The following TNR variants were observed in gnomAD, a reference collection of about 807,000 sequenced individuals.
TNR encodes tenascin R, also known as tenascin-R.
TNR carries 45 observed loss-of-function variants against 150.4 expected under a neutral mutation model. The ratio of observed to expected loss-of-function variants is 0.30; its 90% CI spans 0.24 to 0.38. The LOEUF (loss-of-function observed/expected upper bound fraction) is 0.38, where lower values mean the gene tolerates loss of function less well. TNR is among the 10% of genes least tolerant of loss of function. The pLI is 1.00. For synonymous variants in TNR, 687 were observed against 678.4 expected (o/e 1.01, Z -0.20); for missense variants, 1,544 against 1,759.1 (o/e 0.88, Z 2.19).
intron 1 of TNR, among the ~76,000 whole-genome samples, chr1:175,654,880 G>A (rs973778236): frequency 2.0e-5 from 3 of 151,766 alleles, no homozygotes; most frequent in Admixed American, 6.6e-5. Flanking sequence ...CACCACAGCC[G>A]GCTAATTTTG....
intron 1 of TNR, among the ~76,000 whole-genome samples, chr1:175,741,164 A>G (rs531546417): frequency 6.6e-6 from 1 of 152,356 alleles, no homozygotes; most frequent in East Asian, 1.9e-4. Context: ...AATGGGGAGC[A>G]ATCCATTCCT....
rs144068803 is a variant in TNR at position 175,379,054 on chromosome 1, C to A, written c.1963+498G>T. On this transcript the variant is annotated intron_variant, in intron 9 of 22. Transcript: ENST00000367674. ...ATTAGCCGGGCGTGGTGGCAGATGC[C>A]TGTAATCCTAGCTACTTGGGAGGCT... is the stretch of plus-strand genomic sequence containing the variant. Among the ~76,000 whole-genome samples, 652 of 152,156 alleles carry A rather than the reference C, an allele frequency of 4.3e-3. 4 individuals carry two copies. The highest frequency in any genetic ancestry group is 0.015 in the African/African-American group (630 of 41,510).
chr1:175,739,626 G>T (rs1287608930), intron 1 of TNR, among the ~76,000 whole-genome samples: 3 of 152,156 alleles, frequency 2.0e-5, no homozygotes, highest in Non-Finnish European at 4.4e-5. Context: ...CCCAGGGACG[G>T]AAGCAGGGTG....
At chr1:175,366,917 G>A (rs1571344769) in intron 10 of TNR, among the ~76,000 whole-genome samples, 2 of 152,212 alleles carry the variant, frequency 1.3e-5, no homozygotes, top group Admixed American at 1.3e-4. Flanking sequence ...GGCCTGCAAT[G>A]GCATCAACCT....
chr1:175,616,381 A>T (rs1041862531), intron 1 of TNR, among the ~76,000 whole-genome samples: 5 of 152,264 alleles, frequency 3.3e-5, no homozygotes, highest in Admixed American at 2.0e-4. Context: ...ACTGATCCTT[A>T]GCCCTCTGCA....
intron 15 of TNR, among the ~76,000 whole-genome samples, chr1:175,356,905 C>T (rs1651358815): frequency 2.0e-5 from 3 of 152,174 alleles, no homozygotes; most frequent in Non-Finnish European, 1.5e-5. Flanking sequence ...AATGTCCCTG[C>T]TAAAGTCCAA....
intron 1 of TNR, among the ~76,000 whole-genome samples, chr1:175,559,951 A>T (rs1661356354): frequency 6.6e-6 from 1 of 152,216 alleles, no homozygotes; most frequent in Admixed American, 6.5e-5. Flanking sequence ...TGTCAGGAAC[A>T]CTGGTCCAGG....
At chr1:175,402,065 T>C (rs2102044102) in intron 4 of TNR, among the ~76,000 whole-genome samples, 1 of 151,538 alleles carries the variant, frequency 6.6e-6, no homozygotes, top group Non-Finnish European at 1.5e-5. Flanking sequence ...CCCAGCACTT[T>C]GGGAGGCCGA....
At chr1:175,424,265 A>G (rs1654874852) in intron 2 of TNR, among the ~76,000 whole-genome samples, 1 of 152,146 alleles carries the variant, frequency 6.6e-6, no homozygotes, top group South Asian at 2.1e-4. Flanking sequence ...TCTAAGGTTG[A>G]CTTCAGTCTG....
rs192048055 is a variant in TNR, at chr1:175,414,565, A to T, written c.-63-7788T>A. ...TCCACTCCAGCTTCCTTATCAATAT[A>T]ATTATCATGGCCAGCACCAGAGGTG... On this transcript the variant is annotated intron_variant, in intron 2 of 22. Coordinates refer to ENST00000367674, the MANE Select transcript of TNR (RefSeq NM_003285.3). Among the ~76,000 whole-genome samples, 5 of 152,258 alleles carry T rather than the reference A, an allele frequency of 3.3e-5. No individual in the cohort carries two copies. In the East Asian group the frequency reaches 9.7e-4, roughly 29 times the overall value.
At chr1:175,643,565 A>T (rs1664727825) in intron 1 of TNR, among the ~76,000 whole-genome samples, 1 of 152,228 alleles carries the variant, frequency 6.6e-6, no homozygotes, top group African/African-American at 2.4e-5. Flanking sequence ...TATTATAGGA[A>T]GGGAAAACAA....
intron 18 of TNR, among the ~76,000 whole-genome samples, chr1:175,347,826 G>T (rs1207652638): frequency 6.6e-6 from 1 of 152,010 alleles, no homozygotes; most frequent in Non-Finnish European, 1.5e-5. Context: ...TGCTTTAGTT[G>T]CATTCCTTTT....
chr1:175,477,807 C>T (rs368854150), intron 2 of TNR, among the ~76,000 whole-genome samples: 1 of 152,346 alleles, frequency 6.6e-6, no homozygotes, highest in East Asian at 1.9e-4. Flanking sequence ...TGGAAGAAAG[C>T]GTTACAGGTT....
chr1:175,384,365 G>T (rs1652825460), intron 8 of TNR, among the ~76,000 whole-genome samples: 2 of 152,208 alleles, frequency 1.3e-5, no homozygotes, highest in East Asian at 3.8e-4. Flanking sequence ...TTAGTTCATT[G>T]TTTCAAGATG....
chr1:175,377,061 G>A (rs1041125253), intron 9 of TNR, among the ~76,000 whole-genome samples: 4 of 152,020 alleles, frequency 2.6e-5, no homozygotes, highest in South Asian at 2.1e-4. Flanking sequence ...ACTGGGACTC[G>A]AAAGGACTGG....
chr1:175,435,419 A>T (rs887239735), intron 2 of TNR, among the ~76,000 whole-genome samples: 1 of 152,232 alleles, frequency 6.6e-6, no homozygotes, highest in African/African-American at 2.4e-5. Flanking sequence ...CTATGATGGG[A>T]AAGACCACGG....
intron 19 of TNR, among the ~76,000 whole-genome samples, chr1:175,337,195 C>T (rs1650291305): frequency 1.3e-5 from 2 of 152,188 alleles, no homozygotes; most frequent in African/African-American, 4.8e-5. Context: ...TGCCCAGCAC[C>T]TCCACTGCTT....
At chr1:175,630,569 C>A (rs6673724) in intron 1 of TNR, among the ~76,000 whole-genome samples, 21,518 of 152,138 alleles carry the variant, frequency 0.14, 1,941 homozygotes, top group East Asian at 0.41. Flanking sequence ...TCCTCCCTTC[C>A]TCCCTTTCTT....
chr1:175,443,407 T>G (rs897956069), intron 2 of TNR, among the ~76,000 whole-genome samples: 2 of 152,180 alleles, frequency 1.3e-5, no homozygotes, highest in Non-Finnish European at 2.9e-5. Flanking sequence ...CTCTACTAAC[T>G]GCTCATGATA....
Sources: gnomAD v4.1 joint callset for allele counts (sites outside exome capture counted in the v4.1 genomes callset) on GRCh38, gnomAD v4.1.1 for gene constraint, MANE v1.5 for transcripts, NCBI Gene and HGNC (gene_info 2026-07-23, HGNC 2026-07-21) for gene names.